COL6A1: variants seen among roughly 807,000 people sequenced by gnomAD.
COL6A1 encodes collagen type VI alpha 1 chain, also known as collagen alpha-1(VI) chain.
COL6A1 carries 80 observed loss-of-function variants against 145.6 expected under a neutral mutation model. The observed-to-expected ratio is 0.55, with a 90% confidence interval of 0.46 to 0.66. The LOEUF (loss-of-function observed/expected upper bound fraction) is 0.66, where lower values mean the gene tolerates loss of function less well. COL6A1 is among the 30% of genes least tolerant of loss of function. The pLI is 0.00. For synonymous variants in COL6A1, 638 were observed against 622.8 expected (o/e 1.02, Z -0.36); for missense variants, 1,364 against 1,473.8 (o/e 0.93, Z 1.22).
rs146071423 is a variant in COL6A1 at position 45,986,616 on chromosome 21, G to A, written c.519G>A (p.Glu173=). 64 of 1,556,638 alleles carry A rather than the reference G, an allele frequency of 4.1e-5. No homozygotes were observed. In the Middle Eastern group the frequency reaches 8.3e-4, roughly 20 times the overall value. ...EGYKEPCGGL[E]DAVNEAKHLG... ...ACAAGGAACCCTGTGGGGGGCTGGAGGATGCTGTGAACGAGGCCAAGCACC... is the reference window on the plus strand; with the variant it reads ...ACAAGGAACCCTGTGGGGGGCTGGAAGATGCTGTGAACGAGGCCAAGCACC... The change falls in exon 4 of 35, where the codon GAG becomes GAA. Residue 173 remains glutamate, a synonymous_variant. Coordinates refer to ENST00000361866, the MANE Select transcript of COL6A1 (RefSeq NM_001848.3).
chr21:45,990,046 CGGTT>C (rs2077765572), intron 11 of COL6A1, among the ~76,000 whole-genome samples: 1 of 141,944 alleles, frequency 7.0e-6, no homozygotes, highest in Non-Finnish European at 1.6e-5. Flanking sequence ...GTCCCCCGGG[CGGTT>C]ACCCTCTGCG....
intron 14 of COL6A1, 43 bp from the exon 15 acceptor site, chr21:45,990,936 G>A (rs771652314): frequency 4.8e-5 from 77 of 1,609,346 alleles, no homozygotes; most frequent in East Asian, 1.6e-4. Context: ...CAGAGGCCGC[G>A]GTGGCCTCTG....
rs1242204124 is a variant in COL6A1, at chr21:45,986,544, G to A, written c.447G>A (p.Glu149=). The change falls in exon 4 of 35, where the codon GAG becomes GAA. Residue 149 remains glutamate (E), a synonymous_variant. Transcript: ENST00000361866. ...QLLVGGSHLK[E]NKYLIVVTDG... ...TGTCCAGGGGCTCCCACCTGAAGGA[G>A]AATAAGTACCTGATTGTGGTGACCG... The A allele has an allele frequency of 6.4e-7, 1 of 1,563,696 alleles. No homozygotes were observed. Among genetic ancestry groups the A allele is most frequent in the Non-Finnish European group, 8.7e-7 (1 of 1,154,086 alleles).
chr21:45,999,861 C>CATGAAGATCATAGGGGGACGT (rs1569518860), intron 27 of COL6A1, among the ~76,000 whole-genome samples, 169 bp downstream of exon 27: 7 of 56,318 alleles, frequency 1.2e-4, no homozygotes, highest in Non-Finnish European at 2.0e-4. Context: ...TGGGAGGACC[C>CATGAAGATCATAGGGGGACGT]GTGAGGATCA....
intron 15 of COL6A1, 111 bp downstream of exon 15, chr21:45,991,152 C>A: frequency 8.0e-7 from 1 of 1,248,646 alleles, no homozygotes; most frequent in Non-Finnish European, 1.2e-6. Flanking sequence ...GCCACCCGTG[C>A]GGCCTCAGAG....
chr21:45,992,734 G>A lies in COL6A1; in HGVS notation c.1273-14G>A. Reference sequence around the variant, plus strand: ...AGCAGCTGAGGCTTCTCCCCTCCATGTCTCTCCACTCAGGGTGGCCCTGGA... The same window carrying A: ...AGCAGCTGAGGCTTCTCCCCTCCATATCTCTCCACTCAGGGTGGCCCTGGA... On this transcript the variant is annotated splice_polypyrimidine_tract_variant and intron_variant, in intron 18 of 34. Transcript: ENST00000361866. The A allele has an allele frequency of 6.3e-7, 1 of 1,580,930 alleles. No homozygotes were observed.
intron 29 of COL6A1, chr21:46,001,045 C>A: frequency 1.3e-6 from 1 of 756,252 alleles, no homozygotes; most frequent in Non-Finnish European, 2.1e-6. Flanking sequence ...CCTAGCCTGG[C>A]TGAGCAACGC....
chr21:45,987,415 G>C (rs1458404455), intron 6 of COL6A1, 84 bp from the exon 7 acceptor site: 2 of 1,590,682 alleles, frequency 1.3e-6, no homozygotes, highest in Non-Finnish European at 1.7e-6. Flanking sequence ...GTCTGCCCAT[G>C]TGCCTGGGTC....
At chr21:45,998,580 GC>G in intron 24 of COL6A1, 147 bp downstream of exon 24, 1 of 1,147,088 alleles carries the variant, frequency 8.7e-7, no homozygotes. Flanking sequence ...ACTGTCTGTG[GC>G]CACAGCCCCA....
intron 14 of COL6A1, 22 bp downstream of exon 14, chr21:45,990,848 A>C: frequency 6.2e-7 from 1 of 1,613,020 alleles, no homozygotes; most frequent in Non-Finnish European, 8.5e-7. Flanking sequence ...CCTCTCACTG[A>C]TACTTTAAAA....
chr21:45,999,090 G>A, intron 25 of COL6A1, 63 bp from the exon 26 acceptor site: 12 of 1,546,310 alleles, frequency 7.8e-6, no homozygotes, highest in East Asian at 4.8e-5. Context: ...CTCTGTGGAC[G>A]GGGCCAGCGC....
chr21:45,981,855 G>C lies in COL6A1; in HGVS notation c.5G>C (p.Arg2Thr). 1 of 1,586,558 alleles carries C rather than the reference G, an allele frequency of 6.3e-7. No individual in the cohort carries two copies. The highest frequency in any genetic ancestry group is 8.6e-7 in the Non-Finnish European group (1 of 1,168,944). ...TGGTGACCGCAGGCCCCAGACATGA[G>C]GGCGGCCCGTGCTCTGCTGCCCCTG... M[R>T]AARALLPLLL... Residue 2 changes from arginine to threonine, a missense_variant, in exon 1 of 35, where the codon AGG becomes ACG. Physicochemically the swap from Arg to Thr is moderately conservative, Grantham distance 71 (BLOSUM62 -1). Coordinates refer to ENST00000361866, the MANE Select transcript of COL6A1 (RefSeq NM_001848.3).
chr21:45,989,925 A>C (rs545743528), intron 11 of COL6A1, 147 bp downstream of exon 11: 9 of 1,127,156 alleles, frequency 8.0e-6, no homozygotes, highest in East Asian at 7.5e-5. Context: ...CGTCCCCTCC[A>C]TCTGGAAGGA....
rs185955970 is a variant in COL6A1, at chr21:45,986,180, C to T, written c.429-346C>T. On this transcript the variant is annotated intron_variant, in intron 3 of 34. Coordinates refer to ENST00000361866, the MANE Select transcript of COL6A1 (RefSeq NM_001848.3). ...TGAGTTGAGGCAGCTTGTGGGTAGACGCGGCGGGCATCTCGGAGGGGCACG... is the reference window on the plus strand; with the variant it reads ...TGAGTTGAGGCAGCTTGTGGGTAGATGCGGCGGGCATCTCGGAGGGGCACG... 1.5e-3 allele frequency among the ~76,000 whole-genome samples: 227 copies of T among 152,278 alleles called. 1 individual carries two copies. Among genetic ancestry groups the T allele is most frequent in the Non-Finnish European group, 6.0e-4 (41 of 68,006 alleles).
chr21:45,984,805 CAGAG>C (rs1422952913), intron 3 of COL6A1, among the ~76,000 whole-genome samples: 1 of 148,942 alleles, frequency 6.7e-6, no homozygotes, highest in African/African-American at 2.5e-5. Context: ...GAGAGAGACA[CAGAG>C]AGACAGAGAC....
intron 24 of COL6A1, 51 bp downstream of exon 24, chr21:45,998,484 TCA>T: frequency 6.2e-7 from 1 of 1,611,224 alleles, no homozygotes; most frequent in South Asian, 1.1e-5. Context: ...ACATTCACAG[TCA>T]CAGGGACACG....
intron 10 of COL6A1, 23 bp downstream of exon 10, chr21:45,989,675 C>T (rs1284263670): frequency 1.2e-6 from 2 of 1,613,146 alleles, no homozygotes; most frequent in Non-Finnish European, 1.7e-6. Context: ...CCTTTCCTGG[C>T]CCGAGCCCGG....
intron 13 of COL6A1, 50 bp downstream of exon 13, chr21:45,990,472 CGAGATG>C (rs2123472457): frequency 7.5e-5 from 17 of 227,114 alleles, no homozygotes; most frequent in Middle Eastern, 1.2e-3. Context: ...AGGAATGGGG[CGAGATG>C]GGGAGGGACG....
chr21:45,988,675 C>T (rs897735364), intron 8 of COL6A1, among the ~76,000 whole-genome samples: 5 of 152,272 alleles, frequency 3.3e-5, no homozygotes, highest in Non-Finnish European at 5.9e-5. Flanking sequence ...TGACCTTAAA[C>T]GTTAGAATTA....
Sources: allele counts gnomAD v4.1 joint callset (sites outside exome capture counted in the v4.1 genomes callset), GRCh38; gene constraint gnomAD v4.1.1; transcripts MANE v1.5; gene names NCBI Gene and HGNC (gene_info 2026-07-23, HGNC 2026-07-21).